PEAK1: variants seen among roughly 807,000 people sequenced by gnomAD.
The protein encoded by PEAK1 is pseudopodium enriched atypical kinase 1, also known as inactive tyrosine-protein kinase PEAK1.
In PEAK1, 54 loss-of-function variants were observed where a neutral mutation model predicts 124.7. That is an observed-to-expected ratio of 0.43 (90% CI 0.35 to 0.54). PEAK1 has a LOEUF of 0.54. Ranked by LOEUF, PEAK1 falls within the 20% of genes least tolerant of loss-of-function variation. The pLI is 0.01. For missense variants in PEAK1, 2,046 were observed against 2,134.5 expected, an observed-to-expected ratio of 0.96 and a Z score of 0.82; for synonymous variants, 719 against 760.0, an observed-to-expected ratio of 0.95 and a Z score of 0.89.
At chr15:77,337,546 G>A (rs2066278109) in intron 2 of PEAK1, 1 of 984,896 alleles carries the variant, frequency 1.0e-6, no homozygotes, top group African/African-American at 1.7e-5. Flanking sequence ...ATAAGATGTA[G>A]TCTGGCAGAG....
chr15:77,158,535 G>T lies in PEAK1; in HGVS notation c.3299C>A (p.Pro1100Gln). 6.2e-7 allele frequency: 1 copy of T among 1,614,052 alleles called. No individual in the cohort carries two copies. Among genetic ancestry groups the T allele is most frequent in the East Asian group, 2.2e-5 (1 of 44,884 alleles). ...GKEDISDPMD[P>Q]NPCSATYSNL... is the part of the protein sequence containing the mutation. The stretch of plus-strand genomic sequence containing the variant: ...GCTGTATGTTGCACTACAAGGGTTC[G>T]GGTCCATAGGATCTGAAATGTCTTC... Residue 1100 changes from proline to glutamine, a missense_variant, in exon 8 of 10, where the codon CCG becomes CAG. Coordinates refer to ENST00000682557, the MANE Select transcript of PEAK1 (RefSeq NM_001385026.1).
At position 77,181,045 on chromosome 15, in the gene PEAK1, G is replaced by C; in HGVS notation, c.882C>G (p.Ile294Met). The part of the protein sequence containing the change: ...RFFVDKKWNT[I>M]PLRNKSLQRI... ...TCTGCAGAGACTTGTTTCGCAGGGG[G>C]ATGGTATTCCATTTTTTGTCCACAA... is the stretch of plus-strand genomic sequence containing the variant. The change falls in exon 7 of 10, where the codon ATC becomes ATG. Residue 294 changes from isoleucine (I) to methionine (M), a missense_variant. By Grantham distance (10) the Ile-to-Met change is conservative. Coordinates refer to ENST00000682557, the MANE Select transcript of PEAK1 (RefSeq NM_001385026.1). 1 of 1,614,158 alleles carries C rather than the reference G, an allele frequency of 6.2e-7. No individual in the cohort carries two copies. The highest frequency in any genetic ancestry group is 8.5e-7 in the Non-Finnish European group (1 of 1,180,006).
intron 8 of PEAK1, among the ~76,000 whole-genome samples, chr15:77,140,860 A>T (rs2053727527): frequency 6.6e-6 from 1 of 151,450 alleles, no homozygotes; most frequent in South Asian, 2.1e-4. Context: ...TCAGTCCCCC[A>T]AGTAGCCAGG....
intron 5 of PEAK1, among the ~76,000 whole-genome samples, chr15:77,282,715 T>C (rs1045457340): frequency 2.0e-5 from 3 of 152,130 alleles, no homozygotes; most frequent in African/African-American, 7.2e-5. Flanking sequence ...AATGGGCCAA[T>C]GAGAAACTAA....
chr15:77,136,318 G>A (rs2053320454), intron 8 of PEAK1, among the ~76,000 whole-genome samples: 1 of 152,202 alleles, frequency 6.6e-6, no homozygotes, highest in African/African-American at 2.4e-5. Context: ...TTCAAGAGGT[G>A]ACCTAGGTGC....
In PEAK1 at chr15:77,113,842, C is replaced by A; in HGVS notation, c.*314G>T. On this transcript the variant is annotated 3_prime_UTR_variant, in exon 10 of 10. Transcript: ENST00000682557. ...CACAGCTCACTGGCTGAGTTCATAC[C>A]AAAGAAGCTGTCCCTTCAAGAATAT... The A allele has an allele frequency of 3.0e-6, 1 of 337,804 alleles. No homozygotes were observed. The highest frequency in any genetic ancestry group is 5.5e-6 in the Non-Finnish European group (1 of 183,310). The allele number at this position is 337,804 out of a possible 1,614,324, so 20.9% of individuals were successfully genotyped here.
At chr15:77,293,478 C>T (rs11858641) in intron 2 of PEAK1, among the ~76,000 whole-genome samples, 99,669 of 151,994 alleles carry the variant, frequency 0.66, 33,637 homozygotes, top group Non-Finnish European at 0.75. Context: ...AAACCCTTTA[C>T]ACATGTTAGT....
chr15:77,415,621 C>A (rs1431201363), intron 1 of PEAK1, among the ~76,000 whole-genome samples: 1 of 152,184 alleles, frequency 6.6e-6, no homozygotes, highest in Non-Finnish European at 1.5e-5. Flanking sequence ...AGCAGATGAT[C>A]AAAAATTACA....
At chr15:77,349,290 C>A (rs71407208) in intron 2 of PEAK1, 1 of 767,742 alleles carries the variant, frequency 1.3e-6, no homozygotes, top group East Asian at 1.3e-4. Flanking sequence ...CTGCCCGCCT[C>A]GGCCTCCCAA....
rs764918390 is a variant in PEAK1 at position 77,179,083 on chromosome 15, C to T, written c.2844G>A (p.Glu948=). Residue 948 remains glutamate, a synonymous_variant, in exon 7 of 10, where the codon GAG becomes GAA. Transcript: ENST00000682557. ...CATCCAGGCCCACCAGTTTCCCTTT[C>T]TCTCGCTCTTTCTCTTTGTCATCCT... ...DEEDDKEKER[E]KGKLVGLDGT... The T allele has an allele frequency of 1.3e-5, 21 of 1,614,200 alleles. No homozygotes were observed. The highest frequency in any genetic ancestry group is 1.8e-5 in the Non-Finnish European group (21 of 1,180,048).
intron 1 of PEAK1, among the ~76,000 whole-genome samples, chr15:77,392,138 A>G (rs976061180): frequency 1.3e-5 from 2 of 152,206 alleles, no homozygotes; most frequent in African/African-American, 4.8e-5. Context: ...CACCCGCAGC[A>G]TTTAGCACCA....
At chr15:77,403,156 G>A (rs1378356928) in intron 1 of PEAK1, 1 of 985,148 alleles carries the variant, frequency 1.0e-6, no homozygotes. Flanking sequence ...TTAAAATACT[G>A]CTACTTTGCC....
intron 1 of PEAK1, chr15:77,417,467 G>GGGGGGGGGGGGC: frequency 1.3e-6 from 1 of 774,334 alleles, no homozygotes; most frequent in Non-Finnish European, 1.6e-6. Context: ...GGCGGGGGGG[G>GGGGGGGGGGGGC]AGGGGGGCAA....
intron 1 of PEAK1, among the ~76,000 whole-genome samples, chr15:77,395,637 C>T (rs571167307): frequency 7.9e-5 from 12 of 151,300 alleles, no homozygotes; most frequent in African/African-American, 2.7e-4. Context: ...TTACAGGCCA[C>T]GAGACAAGAG....
At position 77,180,290 on chromosome 15, in the gene PEAK1, G is replaced by C. The variant is rs754327863; in HGVS notation, c.1637C>G (p.Pro546Arg). The C allele has an allele frequency of 6.2e-7, 1 of 1,613,982 alleles. No individual in the cohort carries two copies. The highest frequency in any genetic ancestry group is 8.5e-7 in the Non-Finnish European group (1 of 1,179,996). Residue 546 changes from proline (P) to arginine (R), a missense_variant, in exon 7 of 10, where the codon CCT becomes CGT. Physicochemically the swap from Pro to Arg is moderately radical, Grantham distance 103. Transcript: ENST00000682557. ...TSSTSPRQKI[P>R]KVELITSGTG... ...TCCACTAGTAATTAGTTCTACTTTA[G>C]GTATCTTTTGTCGTGGACTGGTGCT...
In PEAK1 at chr15:77,223,458, G is replaced by A. The variant is rs145898591; in HGVS notation, c.-115+28909C>T. Among the ~76,000 whole-genome samples, 416 of 152,048 alleles carry A rather than the reference G, an allele frequency of 2.7e-3. 1 individual carries two copies. The highest frequency in any genetic ancestry group is 0.02 in the Middle Eastern group (6 of 294). On this transcript the variant is annotated intron_variant, in intron 6 of 9. Transcript: ENST00000682557. ...AAGAGCTGTCTTCATCAAAATTCAA[G>A]GTTTTCCACATGATTTAACTATCAT...
intron 8 of PEAK1, among the ~76,000 whole-genome samples, chr15:77,137,743 G>A (rs1344768641): frequency 6.6e-6 from 1 of 152,168 alleles, no homozygotes; most frequent in Non-Finnish European, 1.5e-5. Context: ...GGACTTTTGA[G>A]TTAATGTTGA....
intron 5 of PEAK1, among the ~76,000 whole-genome samples, chr15:77,269,468 C>G (rs1030445362): frequency 5.9e-5 from 9 of 152,094 alleles, no homozygotes; most frequent in Non-Finnish European, 1.0e-4. Flanking sequence ...AGGAAAGTAT[C>G]ACAATCCTAC....
chr15:77,128,608 T>C (rs2052584304), intron 9 of PEAK1, among the ~76,000 whole-genome samples: 2 of 152,200 alleles, frequency 1.3e-5, no homozygotes, highest in Admixed American at 1.3e-4. Context: ...GGGCCGAAGA[T>C]TTAATAGAAC....
Sources: gnomAD v4.1 joint callset for allele counts (sites outside exome capture counted in the v4.1 genomes callset) on GRCh38, gnomAD v4.1.1 for gene constraint, MANE v1.5 for transcripts, NCBI Gene and HGNC (gene_info 2026-07-23, HGNC 2026-07-21) for gene names.